The following HK1 variants were observed in gnomAD, a reference collection of about 807,000 sequenced individuals.
HK1 encodes the protein hexokinase 1, also known as hexokinase-1.
Under a neutral mutation model 91.6 loss-of-function variants are expected in HK1, and 28 were observed. The observed-to-expected ratio is 0.31, with a 90% CI of 0.23 to 0.42. The LOEUF is 0.42. HK1 is among the 10% of genes least tolerant of loss of function. The probability of loss-of-function intolerance (pLI) is 1.00; values close to 1 mark genes in which losing one functional copy is unlikely to be tolerated. For synonymous variants in HK1, 430 were observed against 468.1 expected (o/e 0.92, Z 1.05); for missense variants, 770 against 1,219.8 (o/e 0.63, Z 5.49).
At position 69,320,705 on chromosome 10, in the gene HK1, T is replaced by TG. The variant is rs201718275; in HGVS notation, c.63+1696dup. ...GCTGCTGGGCTGGGGGGTGCCTGGG[T>TG]GACCTTGTAAACCTCCAGTGTCCAC... On this transcript the variant is annotated intron_variant, in intron 1 of 17. Transcript: ENST00000359426. Among the ~76,000 whole-genome samples the TG allele has an allele frequency of 9.4e-3, 1,425 of 152,228 alleles. 21 individuals are homozygous for TG. Among genetic ancestry groups the TG allele is most frequent in the East Asian group, 0.073 (377 of 5,176 alleles).
intron 3 of HK1, chr10:69,295,508 C>T (rs1008925271): frequency 2.7e-6 from 2 of 729,626 alleles, no homozygotes; most frequent in African/African-American, 1.7e-5. Flanking sequence ...CTTAGACATT[C>T]CAAGGTTACT....
At chr10:69,274,265 T>A (rs1844328062) in intron 1 of HK1, among the ~76,000 whole-genome samples, 1 of 151,774 alleles carries the variant, frequency 6.6e-6, no homozygotes, top group Non-Finnish European at 1.5e-5. Flanking sequence ...GCAACATAGA[T>A]CTCATCTGTA....
At position 69,369,759 on chromosome 10, in the gene HK1, GGCGGAGTCTT is replaced by G. The variant is rs756785392; in HGVS notation, c.875+138_875+147del. 7.9e-4 allele frequency: 698 copies of G among 886,882 alleles called. 6 individuals carry two copies. In the South Asian group the frequency reaches 9.4e-3, roughly 12 times the overall value. The allele number at this position is 886,882 out of a possible 1,614,324, so 54.9% of individuals were successfully genotyped here. On this transcript the variant is annotated intron_variant, in intron 7 of 17. Transcript: ENST00000359426. The surrounding 1 kb of genome is among the most constrained non-coding windows in gnomAD (Gnocchi z 4.4). ...AAAGCCTGTCACATTTTTTTTTTGAGGCGGAGTCTTGCTCTGTCACCCAGGCTGGAGTGCA... is the reference window on the plus strand; with the variant it reads ...AAAGCCTGTCACATTTTTTTTTTGAGGCTCTGTCACCCAGGCTGGAGTGCA...
At chr10:69,322,520 A>C (rs1317798993) in intron 1 of HK1, among the ~76,000 whole-genome samples, 1 of 152,192 alleles carries the variant, frequency 6.6e-6, no homozygotes, top group African/African-American at 2.4e-5. Context: ...GAGTAGGCTT[A>C]GCAATTAAAG....
rs758721768 is a variant in HK1, at chr10:69,398,589, C to G, written c.2376-6C>G. On this transcript the variant is annotated splice_polypyrimidine_tract_variant and splice_region_variant and intron_variant, in intron 16 of 17. Transcript: ENST00000359426. ...CATCCAGCCCTCTGGCTCTTGTCCC[C>G]CACAGTGACCGATTAGCACTGCTCC... The G allele has an allele frequency of 1.9e-6, 3 of 1,611,714 alleles. No homozygotes were observed. The highest frequency in any genetic ancestry group is 4.5e-5 in the East Asian group (2 of 44,848).
Position 69,382,784 on chromosome 10 carries a change from C to T in HK1, c.1563C>T (p.Asp521=), listed in dbSNP as rs145919021. The T allele has an allele frequency of 7.3e-5, 117 of 1,610,830 alleles. No homozygotes were observed. The highest frequency in any genetic ancestry group is 9.4e-5 in the Non-Finnish European group (111 of 1,179,214). Residue 521 remains aspartate, a synonymous_variant, in exon 10 of 18, where the codon GAC becomes GAT. Transcript: ENST00000359426. ...CCTCCTTCGTCCGGAGAACTCCCGA[C>T]GGGACCGGTGAGGGCCTGCTGGGGG... ...MLPSFVRRTP[D]GTENGDFLAL...
intron 5 of HK1, among the ~76,000 whole-genome samples, chr10:69,306,930 T>C (rs1846136199): frequency 6.6e-6 from 1 of 152,196 alleles, no homozygotes; most frequent in Non-Finnish European, 1.5e-5. Context: ...TTTTGGGTTG[T>C]TCACCACATT....
exon 2 of HK1, chr10:69,282,548 A>C (rs1844802107): frequency 6.6e-6 from 1 of 152,158 alleles, no homozygotes; most frequent in Non-Finnish European, 1.5e-5. Context: ...TAACCAACTA[A>C]AGAACTGTTC....
chr10:69,288,722 G>A, exon 3 of HK1: 1 of 1,613,262 alleles, frequency 6.2e-7, no homozygotes, highest in Non-Finnish European at 8.5e-7. Flanking sequence ...AGGACCCGAG[G>A]TCAGCAAGTG....
At chr10:69,273,750 T>G (rs1844299538) in intron 1 of HK1, among the ~76,000 whole-genome samples, 1 of 152,278 alleles carries the variant, frequency 6.6e-6, no homozygotes, top group African/African-American at 2.4e-5. Flanking sequence ...GAATTCTTAA[T>G]TTAAAACATT....
intron 1 of HK1, among the ~76,000 whole-genome samples, chr10:69,276,318 T>C (rs985677938): frequency 4.0e-5 from 6 of 151,748 alleles, no homozygotes; most frequent in African/African-American, 1.5e-4. Flanking sequence ...AGTATTTCTG[T>C]AGGTCTAACA....
chr10:69,307,954 C>A (rs1846179240), intron 5 of HK1, among the ~76,000 whole-genome samples: 1 of 151,948 alleles, frequency 6.6e-6, no homozygotes, highest in African/African-American at 2.4e-5. Context: ...TTCTCCTGCC[C>A]CAGCCTCTGG....
At chr10:69,308,355 C>T (rs1846202334) in intron 5 of HK1, among the ~76,000 whole-genome samples, 2 of 152,098 alleles carry the variant, frequency 1.3e-5, no homozygotes, top group Non-Finnish European at 2.9e-5. Context: ...CCAGGAGCAT[C>T]GGCAAGACTC....
At chr10:69,314,310 G>A (rs984103212), upstream of HK1, among the ~76,000 whole-genome samples, 11 of 152,204 alleles carry the variant, frequency 7.2e-5, no homozygotes, top group East Asian at 1.9e-4. Context: ...AAACTTGGAC[G>A]GCATTCACAT....
rs575896942 is a variant in HK1, at chr10:69,372,700, T to G, written c.875+3076T>G. On this transcript the variant is annotated intron_variant, in intron 7 of 17. Coordinates refer to ENST00000359426, the MANE Select transcript of HK1 (RefSeq NM_000188.3). ...GGTAATCAGGGAGGATCTAGGGAAG[T>G]GATTTTTCATCTCTGAGTACATGTT... Among the ~76,000 whole-genome samples the G allele has an allele frequency of 1.6e-4, 25 of 152,270 alleles. 1 individual carries two copies. The South Asian group carries it at 4.6e-3, about 28-fold the overall frequency.
chr10:69,302,730 T>C (rs1441220720), intron 5 of HK1, among the ~76,000 whole-genome samples: 1 of 139,448 alleles, frequency 7.2e-6, no homozygotes, highest in African/African-American at 2.7e-5. Flanking sequence ...CACTCCAGCC[T>C]GGGCAAAACT....
At chr10:69,270,059 G>A (rs1340202467) in exon 1 of HK1, 5 of 152,240 alleles carry the variant, frequency 3.3e-5, no homozygotes, top group African/African-American at 1.2e-4. Flanking sequence ...GGGCAATGGA[G>A]GGTTAACTTC....
intron 1 of HK1, among the ~76,000 whole-genome samples, chr10:69,325,394 G>C (rs918856343): frequency 6.6e-6 from 1 of 151,492 alleles, no homozygotes; most frequent in Non-Finnish European, 1.5e-5. Context: ...GTTCTGCTCT[G>C]TTGCCCAGGC....
intron 1 of HK1, among the ~76,000 whole-genome samples, chr10:69,280,987 G>A (rs1474753730): frequency 2.0e-5 from 3 of 152,130 alleles, no homozygotes; most frequent in Non-Finnish European, 4.4e-5. Flanking sequence ...CAAACAACCT[G>A]TCCTATGTCT....
Sources: allele counts gnomAD v4.1 joint callset (sites outside exome capture counted in the v4.1 genomes callset), GRCh38; gene constraint gnomAD v4.1.1; non-coding constraint Gnocchi (gnomAD v3.1); transcripts MANE v1.5; gene names NCBI Gene and HGNC (gene_info 2026-07-23, HGNC 2026-07-21).